CCDC12: variants seen among roughly 807,000 people sequenced by gnomAD.
CCDC12 encodes coiled-coil domain-containing protein 12.
In CCDC12, 28 loss-of-function variants were observed where a neutral mutation model predicts 25.7. The ratio of observed to expected loss-of-function variants is 1.09; its 90% CI spans 0.81 to 1.50. CCDC12 has a LOEUF of 1.50. CCDC12 is among the 40% of genes most tolerant of loss of function. CCDC12 has a pLI of 0.00. For synonymous variants in CCDC12, 75 were observed against 87.7 expected, an observed-to-expected ratio of 0.86 and a Z score of 0.81; for missense variants, 198 against 210.0, an observed-to-expected ratio of 0.94 and a Z score of 0.35.
At chr3:46,964,642 A>G (rs908985243) in intron 1 of CCDC12, among the ~76,000 whole-genome samples, 13 of 152,202 alleles carry the variant, frequency 8.5e-5, no homozygotes, top group Non-Finnish European at 1.3e-4. Flanking sequence ...CTGTTGATCT[A>G]TGACCTTACC....
At chr3:46,977,303 T>C (rs1482944001), upstream of CCDC12, among the ~76,000 whole-genome samples, 1 of 152,004 alleles carries the variant, frequency 6.6e-6, no homozygotes, top group Non-Finnish European at 1.5e-5. Flanking sequence ...TGAAACTCCA[T>C]CTCTACTAAA....
At chr3:46,958,227 C>T (rs1283067045) in intron 1 of CCDC12, among the ~76,000 whole-genome samples, 3 of 152,162 alleles carry the variant, frequency 2.0e-5, no homozygotes, top group Non-Finnish European at 2.9e-5. Flanking sequence ...CGCCCCAAAC[C>T]TCCATGATTT....
chr3:46,928,290 C>G (rs2107110501), intron 2 of CCDC12, among the ~76,000 whole-genome samples: 2 of 152,118 alleles, frequency 1.3e-5, no homozygotes, highest in African/African-American at 4.8e-5. Context: ...TAGAGAAGTA[C>G]CAAGACAGCA....
chr3:46,922,349 G>A (rs62248424), intron 5 of CCDC12, 37 bp from the exon 6 acceptor site: 73,085 of 1,611,956 alleles, frequency 0.045, 2,016 homozygotes, highest in Non-Finnish European at 0.054. Flanking sequence ...GGAAGGTGAA[G>A]GCTGGCCTGA....
At chr3:46,930,991 A>T (rs538385615) in intron 2 of CCDC12, among the ~76,000 whole-genome samples, 2 of 152,344 alleles carry the variant, frequency 1.3e-5, no homozygotes, top group African/African-American at 4.8e-5. Context: ...AAGCTGGATA[A>T]AGGAATTCAG....
At chr3:46,925,390 G>A in intron 3 of CCDC12, 66 bp downstream of exon 3, 1 of 1,365,018 alleles carries the variant, frequency 7.3e-7, no homozygotes, top group Non-Finnish European at 1.0e-6. Flanking sequence ...AGAGAGCAAA[G>A]CCTGCTGAGG....
chr3:46,932,869 A>C (rs1489406730), intron 2 of CCDC12, among the ~76,000 whole-genome samples: 1 of 152,250 alleles, frequency 6.6e-6, no homozygotes, highest in East Asian at 1.9e-4. Flanking sequence ...TCCACAGAGG[A>C]AGAGGGTGTC....
At chr3:46,932,158 A>G (rs2033253770) in intron 2 of CCDC12, among the ~76,000 whole-genome samples, 1 of 152,144 alleles carries the variant, frequency 6.6e-6, no homozygotes, top group Non-Finnish European at 1.5e-5. Context: ...TGACCCGGTA[A>G]CCCTGCTCTG....
rs539211760 is a variant in CCDC12 at position 46,938,772 on chromosome 3, T to C, written c.164+2226A>G. ...CTGAGGTGGGAAGATCGCTTGAGCT[T>C]GGGAGCCACGTGGAGGTTGCAGTGA... is the stretch of plus-strand genomic sequence containing the variant. On this transcript the variant is annotated intron_variant, in intron 2 of 6. Transcript: ENST00000683445. 5.6e-4 allele frequency among the ~76,000 whole-genome samples: 85 copies of C among 151,642 alleles called. 1 individual carries two copies. In the Middle Eastern group the frequency reaches 0.01, roughly 18 times the overall value.
At chr3:46,945,231 A>T (rs1445390769) in intron 1 of CCDC12, among the ~76,000 whole-genome samples, 1 of 152,238 alleles carries the variant, frequency 6.6e-6, no homozygotes, top group Non-Finnish European at 1.5e-5. Context: ...GGGCTAGACA[A>T]CCTTCAGAAA....
At chr3:46,923,302 C>T in intron 5 of CCDC12, 27 bp downstream of exon 5, 1 of 1,472,954 alleles carries the variant, frequency 6.8e-7, no homozygotes. Context: ...AGTCAGCCTG[C>T]ACCCGCCACG....
chr3:46,973,052 C>A (rs1471603741), intron 1 of CCDC12, among the ~76,000 whole-genome samples: 1 of 150,632 alleles, frequency 6.6e-6, no homozygotes, highest in African/African-American at 2.5e-5. Flanking sequence ...TGACATCACC[C>A]GAATTTAAAA....
chr3:46,962,211 A>G (rs2107181513), intron 1 of CCDC12, among the ~76,000 whole-genome samples: 1 of 152,242 alleles, frequency 6.6e-6, no homozygotes, highest in South Asian at 2.1e-4. Context: ...AGGGGGGTGG[A>G]TCATCTGAGG....
upstream of CCDC12, among the ~76,000 whole-genome samples, chr3:46,980,972 G>T (rs1299500152): frequency 6.6e-6 from 1 of 152,214 alleles, no homozygotes; most frequent in Non-Finnish European, 1.5e-5. Context: ...CCATAAGGAG[G>T]CTGGCCCACT....
chr3:46,977,471 CAAAAAAAAA>C (rs61340798), upstream of CCDC12, among the ~76,000 whole-genome samples: 107 of 120,292 alleles, frequency 8.9e-4, no homozygotes, highest in Non-Finnish European at 1.1e-3. Flanking sequence ...GACTCCGTCT[CAAAAAAAAA>C]AAAAAAAAAA....
At chr3:46,947,638 C>A (rs994371102) in intron 1 of CCDC12, among the ~76,000 whole-genome samples, 1 of 152,188 alleles carries the variant, frequency 6.6e-6, no homozygotes, top group Non-Finnish European at 1.5e-5. Context: ...GGGTCCCCTG[C>A]ACTCAATGTG....
intron 1 of CCDC12, among the ~76,000 whole-genome samples, chr3:46,943,005 C>T (rs947740949): frequency 1.3e-5 from 2 of 152,060 alleles, no homozygotes; most frequent in African/African-American, 4.8e-5. Context: ...ACAGTCAAGG[C>T]AGGCAATGGC....
chr3:46,925,590 T>A, intron 2 of CCDC12, 55 bp from the exon 3 acceptor site: 1 of 1,318,602 alleles, frequency 7.6e-7, no homozygotes, highest in Admixed American at 2.4e-5. Flanking sequence ...CATGGTCTCA[T>A]TCATTCATTC....
chr3:46,976,551 C>G, intron 1 of CCDC12, 86 bp downstream of exon 1: 5 of 1,501,290 alleles, frequency 3.3e-6, no homozygotes, highest in South Asian at 2.5e-5. Flanking sequence ...GCTGTCTTTC[C>G]TTATTAGCCC....
Sources: gnomAD v4.1 joint callset for allele counts (sites outside exome capture counted in the v4.1 genomes callset) on GRCh38, gnomAD v4.1.1 for gene constraint, MANE v1.5 for transcripts, NCBI Gene and HGNC (gene_info 2026-07-23, HGNC 2026-07-21) for gene names.